Variants in LGALSL observed in about 807,000 individuals in gnomAD.
LGALSL encodes galectin-related protein.
In LGALSL, 13 loss-of-function variants were observed where a neutral mutation model predicts 19.5. That is an observed-to-expected ratio of 0.67 (90% CI 0.43 to 1.06). The LOEUF (loss-of-function observed/expected upper bound fraction) is 1.06, where lower values mean the gene tolerates loss of function less well. LGALSL is among the 50% of genes least tolerant of loss of function. The pLI is 0.00. For missense variants in LGALSL, 189 were observed against 219.3 expected, an observed-to-expected ratio of 0.86 and a Z score of 0.87; for synonymous variants, 86 against 78.3, an observed-to-expected ratio of 1.10 and a Z score of -0.52.
rs1031264935 is a variant in LGALSL at position 64,460,612 on chromosome 2, T to C, written c.*2184T>C. On this transcript the variant is annotated 3_prime_UTR_variant, in exon 5 of 5. Transcript: ENST00000238875. ...CTTAGTGTGAAAATACAATGTTAAC[T>C]GTTTGTTTCTCTGTGAGGTTAGTGG... The C allele has an allele frequency of 6.6e-6, 1 of 152,226 alleles. No homozygotes were observed. Among genetic ancestry groups the C allele is most frequent in the South Asian group, 2.1e-4 (1 of 4,830 alleles). 9.4% of individuals were successfully genotyped at this position (152,226 alleles called of 1,614,324 possible). A position where few individuals can be genotyped will look rare whatever the true frequency, so the allele number is the denominator to read the frequency against.
In LGALSL at chr2:64,455,706, C is replaced by G. The variant is rs1978405; in HGVS notation, c.197+29C>G. 4.0e-3 allele frequency: 6,214 copies of G among 1,537,274 alleles called. 145 individuals carry two copies. The highest frequency in any genetic ancestry group is 0.039 in the Admixed American group (2,328 of 59,884). On this transcript the variant is annotated intron_variant, in intron 3 of 4. Transcript: ENST00000238875. The stretch of plus-strand genomic sequence containing the variant: ...AGGCAGAGTCTTTGTCAGGACAGAA[C>G]TATCAGGCTGTGGCTGAGCCCTGCC...
chr2:64,459,673 C>T lies in LGALSL; in HGVS notation c.*1245C>T, dbSNP rs1686787700. The T allele has an allele frequency of 6.6e-6, 1 of 152,136 alleles. No individual in the cohort carries two copies. Among genetic ancestry groups the T allele is most frequent in the African/African-American group, 2.4e-5 (1 of 41,394 alleles). 9.4% of individuals were successfully genotyped at this position (152,136 alleles called of 1,614,324 possible). On this transcript the variant is annotated 3_prime_UTR_variant, in exon 5 of 5. Transcript: ENST00000238875. ...GTTAGTTTATCTGAAAGGTTAACTC[C>T]CAGGACTCCAGGTCTTTGAATCCAG... is the stretch of plus-strand genomic sequence containing the variant.
rs781331834 is a variant in LGALSL, at chr2:64,455,383, C to G, written c.76C>G (p.Pro26Ala). 1.2e-6 allele frequency: 2 copies of G among 1,613,774 alleles called. No individual in the cohort carries two copies. The highest frequency in any genetic ancestry group is 2.2e-5 in the South Asian group (2 of 91,074). The change falls in exon 2 of 5, where the codon CCA (proline) becomes GCA (alanine). Residue 26 changes from proline to alanine, a missense_variant. Physicochemically the swap from Pro to Ala is conservative, Grantham distance 27. Transcript: ENST00000238875. ...CCATTTAAACAACTCTTTGAGCTCT[C>G]CAGTTCAAGCGGACGTGTACTTCCC... ...DGHLNNSLSS[P>A]VQADVYFPRL...
intron 1 of LGALSL, 72 bp from the exon 2 acceptor site, chr2:64,455,272 C>G (rs151252901): frequency 1.0e-6 from 1 of 955,582 alleles, no homozygotes; most frequent in East Asian, 2.4e-5. Flanking sequence ...TCCACCACAT[C>G]TGTGTGGGTT....
chr2:64,456,373 C>T lies in LGALSL; in HGVS notation c.283C>T (p.Gln95Ter). The T allele has an allele frequency of 6.2e-7, 1 of 1,612,156 alleles. No homozygotes were observed. Among genetic ancestry groups the T allele is most frequent in the South Asian group, 1.1e-5 (1 of 90,700 alleles). ...ACTCAAAGCTGTGTTCACAGATCGG[C>T]AGCTACTCAGAAATTCTTGTATATC... ...IELKAVFTDR[Q>*]LLRNSCISGE... The change falls in exon 4 of 5, where the codon CAG becomes TAG. Residue 95 changes from glutamine to a stop codon, truncating the protein, a stop_gained. Transcript: ENST00000238875. LOFTEE classifies it high-confidence loss of function.
rs954555688 is a variant in LGALSL at position 64,454,285 on chromosome 2, G to A, written c.-261G>A. 5.1e-6 allele frequency: 2 copies of A among 395,484 alleles called. No individual in the cohort carries two copies. The highest frequency in any genetic ancestry group is 3.6e-5 in the East Asian group (1 of 27,898). The allele number at this position is 395,484 out of a possible 1,614,324, so 24.5% of individuals were successfully genotyped here. A position where few individuals can be genotyped will look rare whatever the true frequency, so the allele number is the denominator to read the frequency against. ...GGCAGCGGCAGCAAGCAGCCCCGTC[G>A]GCCCGGGTCCGGGGCCGTTCTGGGC... On this transcript the variant is annotated 5_prime_UTR_variant, in exon 1 of 5. Coordinates refer to ENST00000238875, the MANE Select transcript of LGALSL (RefSeq NM_014181.3). This position sits in a 1 kb window ranked among gnomAD's most constrained non-coding sequence, Gnocchi z 5.1.
rs1484884133 is a variant in LGALSL at position 64,460,802 on chromosome 2, A to T, written c.*2374A>T. ...TGAGAATTTCAGGATGGAAAATGCA[A>T]TGTAAAGCTTCCACAGGAAAGTATT... On this transcript the variant is annotated 3_prime_UTR_variant, in exon 5 of 5. Transcript: ENST00000238875. 6.6e-6 allele frequency: 1 copy of T among 152,190 alleles called. No homozygotes were observed. The highest frequency in any genetic ancestry group is 2.4e-5 in the African/African-American group (1 of 41,446). 9.4% of individuals were successfully genotyped at this position (152,190 alleles called of 1,614,324 possible). A position where few individuals can be genotyped will look rare whatever the true frequency, so the allele number is the denominator to read the frequency against.
rs369133712 is a variant in LGALSL, at chr2:64,456,553, C to T, written c.375+88C>T. 4.0e-5 allele frequency: 43 copies of T among 1,087,986 alleles called. No individual in the cohort carries two copies. The East Asian group carries it at 8.2e-4, about 21-fold the overall frequency. 67.4% of individuals were successfully genotyped at this position (1,087,986 alleles called of 1,614,324 possible). ...TGTGTGCCAAGAACACTTGAAGCAG[C>T]CAGAATTTCTGCATGTCCAGGAAAT... On this transcript the variant is annotated intron_variant, in intron 4 of 4. Transcript: ENST00000238875.
Position 64,455,330 on chromosome 2 carries a change from A to G in LGALSL, c.37-14A>G, listed in dbSNP as rs762368381. Reference sequence around the variant, plus strand: ...GAGCCCATGGAAAGCCAATCTGTGTACTTCTATTTTTAGAAACTAGATGAT... The same window carrying G: ...GAGCCCATGGAAAGCCAATCTGTGTGCTTCTATTTTTAGAAACTAGATGAT... On this transcript the variant is annotated splice_polypyrimidine_tract_variant and intron_variant, in intron 1 of 4. Transcript: ENST00000238875. 4 of 1,588,222 alleles carry G rather than the reference A, an allele frequency of 2.5e-6. No individual in the cohort carries two copies. In the East Asian group the frequency reaches 8.9e-5, roughly 35 times the overall value.
rs754083578 is a variant in LGALSL, at chr2:64,455,299, A to G, written c.37-45A>G. The G allele has an allele frequency of 3.0e-6, 4 of 1,352,478 alleles. No individual in the cohort carries two copies. The East Asian group carries it at 9.2e-5, about 31-fold the overall frequency. The allele number at this position is 1,352,478 out of a possible 1,614,324, so 83.8% of individuals were successfully genotyped here. On this transcript the variant is annotated intron_variant, in intron 1 of 4. Transcript: ENST00000238875. ...GTGTGGGTTCTTCCTCCAGCCCCCCAAAAAAGAGCCCATGGAAAGCCAATC... is the reference window on the plus strand; with the variant it reads ...GTGTGGGTTCTTCCTCCAGCCCCCCGAAAAAGAGCCCATGGAAAGCCAATC...
In LGALSL at chr2:64,454,803, T is replaced by G. The variant is rs1572898583; in HGVS notation, c.36+222T>G. On this transcript the variant is annotated intron_variant, in intron 1 of 4. Transcript: ENST00000238875. This position sits in a 1 kb window ranked among gnomAD's most constrained non-coding sequence, Gnocchi z 5.1. ...GGGGCTCTGGGCTGGGGAGGGAGTT[T>G]GGGGAGGATGGCGGGTAGGGACGCC... Among the ~76,000 whole-genome samples, 2 of 150,954 alleles carry G rather than the reference T, an allele frequency of 1.3e-5. No homozygotes were observed. The highest frequency in any genetic ancestry group is 4.2e-4 in the South Asian group (2 of 4,732).
chr2:64,457,860 A>G (rs1686761114), intron 4 of LGALSL, among the ~76,000 whole-genome samples: 1 of 152,178 alleles, frequency 6.6e-6, no homozygotes, highest in African/African-American at 2.4e-5. Context: ...AATGTGAGTA[A>G]CCACAGCTTC....
chr2:64,454,692 C>A lies in LGALSL; in HGVS notation c.36+111C>A. The A allele has an allele frequency of 1.2e-6, 1 of 816,834 alleles. No individual in the cohort carries two copies. The highest frequency in any genetic ancestry group is 5.6e-5 in the South Asian group (1 of 17,778). The allele number at this position is 816,834 out of a possible 1,614,324, so 50.6% of individuals were successfully genotyped here. On this transcript the variant is annotated intron_variant, in intron 1 of 4. Transcript: ENST00000238875. This position sits in a 1 kb window ranked among gnomAD's most constrained non-coding sequence, Gnocchi z 5.1. ...AGCAGCCGCAGGCCCGGCCGGCGCC[C>A]GGCGCGTGGGAAGGCGCCCGGTACC...
rs1472278431 is a variant in LGALSL at position 64,454,541 on chromosome 2, A to G, written c.-5A>G. 1 of 1,437,020 alleles carries G rather than the reference A, an allele frequency of 7.0e-7. No homozygotes were observed. 89.0% of individuals were successfully genotyped at this position (1,437,020 alleles called of 1,614,324 possible). A position where few individuals can be genotyped will look rare whatever the true frequency, so the allele number is the denominator to read the frequency against. ...CCCACGTACCCCGCCGCGCCGGGCA[A>G]GAAGATGGCGGGATCAGTGGCCGAC... On this transcript the variant is annotated 5_prime_UTR_variant, in exon 1 of 5. Coordinates refer to ENST00000238875, the MANE Select transcript of LGALSL (RefSeq NM_014181.3). The surrounding 1 kb of genome is among the most constrained non-coding windows in gnomAD (Gnocchi z 5.1).
Position 64,459,001 on chromosome 2 carries a change from T to C in LGALSL, c.*573T>C, listed in dbSNP as rs1686778485. The C allele has an allele frequency of 6.6e-6, 1 of 152,232 alleles. No homozygotes were observed. Among genetic ancestry groups the C allele is most frequent in the African/African-American group, 2.4e-5 (1 of 41,454 alleles). The allele number at this position is 152,232 out of a possible 1,614,324, so 9.4% of individuals were successfully genotyped here. A position where few individuals can be genotyped will look rare whatever the true frequency, so the allele number is the denominator to read the frequency against. On this transcript the variant is annotated 3_prime_UTR_variant, in exon 5 of 5. Coordinates refer to ENST00000238875, the MANE Select transcript of LGALSL (RefSeq NM_014181.3). Reference sequence around the variant, plus strand: ...TATGTATTAAAGAATGAACAATGTCTCAAGAACAGCAAGTTGTAAACTTTT... The same window carrying C: ...TATGTATTAAAGAATGAACAATGTCCCAAGAACAGCAAGTTGTAAACTTTT...
At position 64,454,881 on chromosome 2, in the gene LGALSL, G is replaced by C. The variant is rs1686707475; in HGVS notation, c.36+300G>C. Among the ~76,000 whole-genome samples the C allele has an allele frequency of 6.6e-6, 1 of 151,010 alleles. No homozygotes were observed. The highest frequency in any genetic ancestry group is 2.4e-5 in the African/African-American group (1 of 41,106). Reference sequence around the variant, plus strand: ...GCCAGCCAGGTGTGCGCGTGGGTGAGTGTGTCCGGGGCGCGCGCCCCGCCA... The same window carrying C: ...GCCAGCCAGGTGTGCGCGTGGGTGACTGTGTCCGGGGCGCGCGCCCCGCCA... On this transcript the variant is annotated intron_variant, in intron 1 of 4. Transcript: ENST00000238875. This position sits in a 1 kb window ranked among gnomAD's most constrained non-coding sequence, Gnocchi z 5.1.
At chr2:64,458,239 C>T (rs1337422221) in intron 4 of LGALSL, 46 bp from the exon 5 acceptor site, 2 of 1,572,672 alleles carry the variant, frequency 1.3e-6, no homozygotes, top group Admixed American at 1.7e-5. Flanking sequence ...TTGTTTTCCC[C>T]AGTAGCGTTC....
chr2:64,458,346 A>G lies in LGALSL; in HGVS notation c.437A>G (p.Asp146Gly), dbSNP rs1187025894. The change falls in exon 5 of 5, where the codon GAT becomes GGT. Residue 146 changes from aspartate to glycine, a missense_variant. By Grantham distance (94) the Asp-to-Gly change is moderately conservative (BLOSUM62 -1). Transcript: ENST00000238875. ...RVFVDGHQLF[D>G]FYHRIQTLSA... The stretch of plus-strand genomic sequence containing the variant: ...TTTGTGGATGGACACCAACTTTTTG[A>G]TTTTTACCATCGCATTCAAACGTTA... The G allele has an allele frequency of 6.2e-7, 1 of 1,613,840 alleles. No individual in the cohort carries two copies. The highest frequency in any genetic ancestry group is 1.1e-5 in the South Asian group (1 of 91,064).
intron 4 of LGALSL, among the ~76,000 whole-genome samples, chr2:64,457,363 G>A (rs934210613): frequency 1.3e-5 from 2 of 151,936 alleles, no homozygotes; most frequent in Non-Finnish European, 2.9e-5. Context: ...ATTCAAGGCT[G>A]CAGTGAGCTA....
Sources: allele counts gnomAD v4.1 joint callset (sites outside exome capture counted in the v4.1 genomes callset), GRCh38; gene constraint gnomAD v4.1.1; non-coding constraint Gnocchi (gnomAD v3.1); transcripts MANE v1.5; gene names NCBI Gene and HGNC (gene_info 2026-07-23, HGNC 2026-07-21).